NME7: variants seen among roughly 807,000 people sequenced by gnomAD.
The protein encoded by NME7 is nucleoside diphosphate kinase 7.
NME7 carries 41 observed loss-of-function variants against 49.1 expected under a neutral mutation model. The ratio of observed to expected loss-of-function variants is 0.83; its 90% confidence interval spans 0.65 to 1.08. The LOEUF (loss-of-function observed/expected upper bound fraction) is 1.08. Among genes scored for constraint, NME7 ranks in the 50% least tolerant of loss-of-function variants. The pLI is 0.00. For synonymous variants in NME7, 139 were observed against 150.6 expected, an observed-to-expected ratio of 0.92 and a Z score of 0.56; for missense variants, 423 against 463.4, an observed-to-expected ratio of 0.91 and a Z score of 0.80.
chr1:169,154,784 CA>C (rs1659019254), intron 11 of NME7, among the ~76,000 whole-genome samples: 2 of 147,380 alleles, frequency 1.4e-5, no homozygotes, highest in South Asian at 4.3e-4. Flanking sequence ...GGCGACAGAG[CA>C]AGACTCTGTC....
At chr1:169,228,301 T>C (rs1647429574) in intron 10 of NME7, among the ~76,000 whole-genome samples, 1 of 152,178 alleles carries the variant, frequency 6.6e-6, no homozygotes, top group South Asian at 2.1e-4. Context: ...CTTATTTCTT[T>C]CCTTTTTTGT....
At chr1:169,247,488 A>T (rs898221103) in intron 7 of NME7, among the ~76,000 whole-genome samples, 5 of 152,174 alleles carry the variant, frequency 3.3e-5, no homozygotes, top group South Asian at 2.1e-4. Context: ...AGTTTTTAAA[A>T]TTTTTTTATT....
At chr1:169,212,313 T>C (rs911352773) in intron 10 of NME7, among the ~76,000 whole-genome samples, 12 of 152,140 alleles carry the variant, frequency 7.9e-5, no homozygotes, top group African/African-American at 2.9e-4. Context: ...TTAAATACTT[T>C]TAAAAAAGTC....
chr1:169,140,314 G>A (rs1341201726), intron 11 of NME7, among the ~76,000 whole-genome samples: 1 of 152,060 alleles, frequency 6.6e-6, no homozygotes, highest in Admixed American at 6.6e-5. Context: ...TACTAGATTT[G>A]GAGTTGGAAG....
intron 7 of NME7, among the ~76,000 whole-genome samples, chr1:169,254,602 C>A (rs1270311675): frequency 6.7e-6 from 1 of 149,752 alleles, no homozygotes; most frequent in Admixed American, 6.6e-5. Context: ...TTGCCTTCTG[C>A]TAGCTTTTGA....
chr1:169,165,731 A>G (rs529720585), intron 11 of NME7, among the ~76,000 whole-genome samples: 17 of 152,314 alleles, frequency 1.1e-4, no homozygotes, highest in African/African-American at 3.8e-4. Context: ...GCCTTTATGT[A>G]TTTTCATAAT....
At chr1:169,196,024 A>T (rs1660372729) in intron 10 of NME7, among the ~76,000 whole-genome samples, 1 of 152,198 alleles carries the variant, frequency 6.6e-6, no homozygotes, top group Non-Finnish European at 1.5e-5. Context: ...TTTGAGAATG[A>T]GATATTCAAG....
chr1:169,213,830 AAT>A (rs113770115), intron 10 of NME7, among the ~76,000 whole-genome samples: 8 of 149,152 alleles, frequency 5.4e-5, no homozygotes, highest in Admixed American at 1.3e-4. Context: ...TAAATAAATA[AAT>A]ATATATATAT....
intron 10 of NME7, among the ~76,000 whole-genome samples, chr1:169,186,107 T>C (rs1449565843): frequency 1.3e-5 from 2 of 152,164 alleles, no homozygotes; most frequent in African/African-American, 2.4e-5. Context: ...AGATGAACTC[T>C]AGGCAATACA....
At chr1:169,172,323 C>CGTGTGT (rs200830717) in intron 10 of NME7, among the ~76,000 whole-genome samples, 13,444 of 127,550 alleles carry the variant, frequency 0.11, 832 homozygotes, top group East Asian at 0.2. Context: ...CAAAAACATA[C>CGTGTGT]GTGTGTGTGT....
intron 8 of NME7, 109 bp downstream of exon 8, chr1:169,237,514 A>AT: frequency 1.4e-6 from 1 of 737,300 alleles, no homozygotes; most frequent in Non-Finnish European, 2.2e-6. Flanking sequence ...TATGTCTTTT[A>AT]TTTTTAATGT....
rs181829734 is a variant in NME7, at chr1:169,303,199, T to C, written c.390-4A>G. On this transcript the variant is annotated splice_polypyrimidine_tract_variant and splice_region_variant and intron_variant, in intron 4 of 11. Transcript: ENST00000367811. ...ATGAAAATCCAATGCTTCTTTCCTA[T>C]AAAATAATCAAAAAGGCAATAGTTA... 686 of 1,491,222 alleles carry C rather than the reference T, an allele frequency of 4.6e-4. 2 individuals carry two copies. In the African/African-American group the frequency reaches 7.7e-3, roughly 17 times the overall value. 92.4% of individuals were successfully genotyped at this position (1,491,222 alleles called of 1,614,324 possible).
At chr1:169,279,503 T>A (rs1174900038) in intron 7 of NME7, among the ~76,000 whole-genome samples, 1 of 152,224 alleles carries the variant, frequency 6.6e-6, no homozygotes, top group African/African-American at 2.4e-5. Flanking sequence ...AGGTGCGGGA[T>A]ATGACCTTCT....
At chr1:169,283,470 G>A (rs974687592) in intron 7 of NME7, among the ~76,000 whole-genome samples, 1 of 152,142 alleles carries the variant, frequency 6.6e-6, no homozygotes, top group Admixed American at 6.5e-5. Flanking sequence ...TGTTAGTTGT[G>A]AATTTGATCC....
chr1:169,185,263 TG>T (rs1389827819), intron 10 of NME7, among the ~76,000 whole-genome samples: 1 of 152,250 alleles, frequency 6.6e-6, no homozygotes, highest in Non-Finnish European at 1.5e-5. Context: ...TTTTTCATCT[TG>T]CTTGAGCTAC....
intron 7 of NME7, among the ~76,000 whole-genome samples, chr1:169,273,850 C>T (rs1048189288): frequency 8.0e-6 from 1 of 125,632 alleles, no homozygotes; most frequent in Admixed American, 8.0e-5. Flanking sequence ...TTTTCTTAAT[C>T]CAGTCTATCA....
At chr1:169,350,945 C>A (rs1571412661) in intron 1 of NME7, among the ~76,000 whole-genome samples, 1 of 152,002 alleles carries the variant, frequency 6.6e-6, no homozygotes, top group Non-Finnish European at 1.5e-5. Flanking sequence ...AAGACTAGAT[C>A]AATAGTTCAA....
chr1:169,253,470 A>T (rs1463586184), intron 7 of NME7, among the ~76,000 whole-genome samples: 2 of 151,790 alleles, frequency 1.3e-5, no homozygotes, highest in African/African-American at 4.8e-5. Flanking sequence ...GGGCTGAGAC[A>T]ATGGGGTTTT....
chr1:169,250,769 T>C (rs1648535004), intron 7 of NME7, among the ~76,000 whole-genome samples: 1 of 152,132 alleles, frequency 6.6e-6, no homozygotes, highest in Non-Finnish European at 1.5e-5. Context: ...AATTTCTATG[T>C]ATTTGTATAG....
Sources: allele counts gnomAD v4.1 joint callset (sites outside exome capture counted in the v4.1 genomes callset), GRCh38; gene constraint gnomAD v4.1.1; transcripts MANE v1.5; gene names NCBI Gene and HGNC (gene_info 2026-07-23, HGNC 2026-07-21).